The following PTCHD4 variants were observed in gnomAD, a reference collection of about 807,000 sequenced individuals.
PTCHD4 encodes patched domain-containing protein 4.
A neutral mutation model predicts 58.1 loss-of-function variants in PTCHD4; 33 were observed. The ratio of observed to expected loss-of-function variants is 0.57; its 90% CI spans 0.43 to 0.76. The LOEUF is 0.76. Ranked by LOEUF, PTCHD4 falls within the 30% of genes least tolerant of loss-of-function variation. The probability of loss-of-function intolerance (pLI) is 0.00; values close to 1 mark genes in which losing one functional copy is unlikely to be tolerated. For synonymous variants in PTCHD4, 478 were observed against 409.6 expected, an observed-to-expected ratio of 1.17 and a Z score of -2.02; for missense variants, 1,058 against 1,027.1, an observed-to-expected ratio of 1.03 and a Z score of -0.41.
At chr6:47,964,779 T>C (rs954461200) in intron 4 of PTCHD4, among the ~76,000 whole-genome samples, 5 of 152,302 alleles carry the variant, frequency 3.3e-5, no homozygotes, top group African/African-American at 1.2e-4. Flanking sequence ...TGTTTAACAG[T>C]GTATTTGCTT....
rs369018016 is a variant in PTCHD4 at position 47,863,548 on chromosome 6, A to G, written c.*14755T>C. ...ATGCCCAGTTAAATTTGAATTTCAG[A>G]GAAACAAGTATTTTTAGTATAGTAG... On this transcript the variant is annotated 3_prime_UTR_variant, in exon 5 of 5. Coordinates refer to ENST00000339488, the MANE Select transcript of PTCHD4 (RefSeq NM_001384253.1). Among the ~76,000 whole-genome samples the G allele has an allele frequency of 1.2e-4, 18 of 152,138 alleles. No homozygotes were observed. The highest frequency in any genetic ancestry group is 3.4e-4 in the African/African-American group (14 of 41,550).
At chr6:48,108,885 A>T (rs1765803740) in intron 1 of PTCHD4, among the ~76,000 whole-genome samples, 1 of 152,112 alleles carries the variant, frequency 6.6e-6, no homozygotes, top group Middle Eastern at 3.4e-3. Flanking sequence ...AAATGCTAGC[A>T]AGTCTGATTA....
chr6:48,005,491 A>G (rs1394683128), intron 4 of PTCHD4, among the ~76,000 whole-genome samples: 3 of 152,200 alleles, frequency 2.0e-5, no homozygotes, highest in Admixed American at 2.0e-4. Flanking sequence ...ACTGGTTTCA[A>G]CCATTATCGT....
At chr6:48,108,870 A>T (rs569497132) in intron 1 of PTCHD4, among the ~76,000 whole-genome samples, 2 of 151,926 alleles carry the variant, frequency 1.3e-5, no homozygotes, top group African/African-American at 4.8e-5. Flanking sequence ...TAAACAAAAT[A>T]TTAAAAATGC....
intron 1 of PTCHD4, among the ~76,000 whole-genome samples, chr6:48,098,872 A>G (rs1269312876): frequency 1.3e-5 from 2 of 152,194 alleles, no homozygotes; most frequent in Non-Finnish European, 2.9e-5. Flanking sequence ...AAAAATTGAA[A>G]GTAAAATTAA....
chr6:47,903,574 G>A (rs1304250218), intron 4 of PTCHD4, among the ~76,000 whole-genome samples: 1 of 152,032 alleles, frequency 6.6e-6, no homozygotes, highest in East Asian at 1.9e-4. Context: ...CTTGGCCTCC[G>A]AAGGTGCTGG....
In PTCHD4 at chr6:47,878,260, G is replaced by T; in HGVS notation, c.*43C>A. Reference sequence around the variant, plus strand: ...TGAGCTTTACTTGCCCTGCATCATTGTGCAATACTGGAAAAGAAAAATAAT... The same window carrying T: ...TGAGCTTTACTTGCCCTGCATCATTTTGCAATACTGGAAAAGAAAAATAAT... On this transcript the variant is annotated 3_prime_UTR_variant, in exon 5 of 5. Transcript: ENST00000339488. 1 of 1,508,510 alleles carries T rather than the reference G, an allele frequency of 6.6e-7. No individual in the cohort carries two copies. The highest frequency in any genetic ancestry group is 8.9e-7 in the Non-Finnish European group (1 of 1,121,474). The allele number at this position is 1,508,510 out of a possible 1,614,324, so 93.4% of individuals were successfully genotyped here.
chr6:47,983,490 GT>G (rs1767958183), intron 4 of PTCHD4, among the ~76,000 whole-genome samples: 1 of 152,064 alleles, frequency 6.6e-6, no homozygotes, highest in Non-Finnish European at 1.5e-5. Flanking sequence ...AAAAAAGATT[GT>G]TTTTTCTATT....
chr6:47,858,711 G>A lies in PTCHD4; in HGVS notation c.*19592C>T, dbSNP rs1422906200. On this transcript the variant is annotated 3_prime_UTR_variant, in exon 5 of 5. Transcript: ENST00000339488. ...TAGCCATCTGAGTCAGAATTTCTGT[G>A]GGTGGAATAAATAATAAACCTGCTG... 6.6e-6 allele frequency among the ~76,000 whole-genome samples: 1 copy of A among 151,992 alleles called. No individual in the cohort carries two copies. Among genetic ancestry groups the A allele is most frequent in the Non-Finnish European group, 1.5e-5 (1 of 67,960 alleles).
At chr6:47,933,056 T>C (rs1397573790) in intron 4 of PTCHD4, among the ~76,000 whole-genome samples, 1 of 152,200 alleles carries the variant, frequency 6.6e-6, no homozygotes, top group Non-Finnish European at 1.5e-5. Flanking sequence ...GCACTTGTGA[T>C]CACAGTCAGG....
At chr6:48,066,705 T>G (rs1450078646) in intron 3 of PTCHD4, among the ~76,000 whole-genome samples, 1 of 152,180 alleles carries the variant, frequency 6.6e-6, no homozygotes, top group African/African-American at 2.4e-5. Flanking sequence ...ATAAATCATC[T>G]GTTTCGTTTC....
At chr6:48,050,060 AAAG>A (rs1562026971) in intron 3 of PTCHD4, among the ~76,000 whole-genome samples, 1 of 152,014 alleles carries the variant, frequency 6.6e-6, no homozygotes, top group Non-Finnish European at 1.5e-5. Context: ...CTTATTAAGA[AAAG>A]AAGAATTATG....
At position 47,859,905 on chromosome 6, in the gene PTCHD4, G is replaced by A. The variant is rs138577754; in HGVS notation, c.*18398C>T. 2.3e-3 allele frequency among the ~76,000 whole-genome samples: 348 copies of A among 152,102 alleles called. No homozygotes were observed. Among genetic ancestry groups the A allele is most frequent in the African/African-American group, 7.5e-3 (311 of 41,538 alleles). On this transcript the variant is annotated 3_prime_UTR_variant, in exon 5 of 5. Transcript: ENST00000339488. ...AAAAGACCAAAGGGGGTGCATGGTT[G>A]ATGCAGAGAGAACAAAGGGGGCAGT... is the stretch of plus-strand genomic sequence containing the variant.
intron 3 of PTCHD4, among the ~76,000 whole-genome samples, chr6:48,011,989 T>A (rs1367706086): frequency 6.6e-6 from 1 of 152,110 alleles, no homozygotes; most frequent in Non-Finnish European, 1.5e-5. Context: ...GTAGTATAAT[T>A]TGAAGTCAGG....
chr6:47,921,585 G>A (rs1256434481), intron 4 of PTCHD4, among the ~76,000 whole-genome samples: 5 of 151,984 alleles, frequency 3.3e-5, no homozygotes, highest in Non-Finnish European at 7.4e-5. Context: ...GCAACTTCTG[G>A]GAAATTTCTT....
chr6:47,982,314 C>T lies in PTCHD4; in HGVS notation c.898+26320G>A, dbSNP rs149616528. ...GTCCCATCTCCCTTTGGATTTTCTCCAACAAATCTATCACAATCTGCTCTT... is the reference window on the plus strand; with the variant it reads ...GTCCCATCTCCCTTTGGATTTTCTCTAACAAATCTATCACAATCTGCTCTT... On this transcript the variant is annotated intron_variant, in intron 4 of 4. Coordinates refer to ENST00000339488, the MANE Select transcript of PTCHD4 (RefSeq NM_001384253.1). 5.0e-3 allele frequency among the ~76,000 whole-genome samples: 756 copies of T among 152,136 alleles called. 5 individuals carry two copies. The highest frequency in any genetic ancestry group is 0.017 in the African/African-American group (685 of 41,508).
intron 4 of PTCHD4, among the ~76,000 whole-genome samples, chr6:47,886,989 C>A (rs941219431): frequency 1.6e-4 from 25 of 152,282 alleles, no homozygotes; most frequent in Middle Eastern, 3.4e-3. Flanking sequence ...TTTAGCCAGT[C>A]CAGAAACTCT....
chr6:47,930,955 G>A (rs1765797271), intron 4 of PTCHD4, among the ~76,000 whole-genome samples: 2 of 152,196 alleles, frequency 1.3e-5, no homozygotes, highest in South Asian at 4.2e-4. Context: ...CACCACACCT[G>A]GCTAATTTTT....
intron 4 of PTCHD4, among the ~76,000 whole-genome samples, chr6:47,940,555 T>G (rs1194761469): frequency 2.0e-5 from 3 of 152,250 alleles, no homozygotes; most frequent in African/African-American, 7.2e-5. Context: ...TCTAGGTCAT[T>G]GTACTGCATC....
Sources: gnomAD v4.1 joint callset for allele counts (sites outside exome capture counted in the v4.1 genomes callset) on GRCh38, gnomAD v4.1.1 for gene constraint, MANE v1.5 for transcripts, NCBI Gene and HGNC (gene_info 2026-07-23, HGNC 2026-07-21) for gene names.